The following SMC5 variants were observed in gnomAD, a reference collection of about 807,000 sequenced individuals.
SMC5 encodes structural maintenance of chromosomes 5.
A neutral mutation model predicts 148.3 loss-of-function variants in SMC5; 88 were observed. The observed-to-expected ratio is 0.59, with a 90% confidence interval of 0.50 to 0.71. The LOEUF (loss-of-function observed/expected upper bound fraction) is 0.71. SMC5 is among the 30% of genes least tolerant of loss of function. The probability of loss-of-function intolerance (pLI) is 0.00; values close to 1 mark genes in which losing one functional copy is unlikely to be tolerated. For missense variants in SMC5, 1,142 were observed against 1,298.9 expected (o/e 0.88, Z 1.86); for synonymous variants, 421 against 432.8 (o/e 0.97, Z 0.34).
rs1422218306 is a variant in SMC5 at position 70,353,864 on chromosome 9, GTTAA to G, written c.*1537_*1540del. On this transcript the variant is annotated 3_prime_UTR_variant, in exon 25 of 25. Transcript: ENST00000361138. The stretch of plus-strand genomic sequence containing the variant: ...ATGGATATTACCAAATGTTTTCATC[GTTAA>G]TTACTTTGCGTTCCACCAAAATATC... The G allele has an allele frequency of 6.6e-6, 1 of 152,150 alleles. No individual in the cohort carries two copies. Among genetic ancestry groups the G allele is most frequent in the Non-Finnish European group, 1.5e-5 (1 of 68,026 alleles). The allele number at this position is 152,150 out of a possible 1,614,324, so 9.4% of individuals were successfully genotyped here.
intron 15 of SMC5, among the ~76,000 whole-genome samples, chr9:70,321,069 G>T (rs1455566032): frequency 6.6e-6 from 1 of 152,128 alleles, no homozygotes; most frequent in Non-Finnish European, 1.5e-5. Flanking sequence ...GTATCCCCAG[G>T]AGTCTGTAGA....
At chr9:70,327,098 A>G (rs1258691621) in intron 17 of SMC5, among the ~76,000 whole-genome samples, 1 of 152,226 alleles carries the variant, frequency 6.6e-6, no homozygotes, top group Non-Finnish European at 1.5e-5. Context: ...TCTCAAAAAA[A>G]CAAACATTTC....
At chr9:70,261,704 A>T (rs1346580604) in intron 1 of SMC5, among the ~76,000 whole-genome samples, 2 of 152,216 alleles carry the variant, frequency 1.3e-5, no homozygotes, top group African/African-American at 4.8e-5. Flanking sequence ...AATAGGAATT[A>T]TGAATTGAAG....
chr9:70,275,197 A>G (rs1189876968), intron 3 of SMC5, among the ~76,000 whole-genome samples: 2 of 152,052 alleles, frequency 1.3e-5, no homozygotes, highest in Non-Finnish European at 2.9e-5. Context: ...AGAGTATAGT[A>G]TAATATCATT....
At chr9:70,331,596 C>G (rs2036221251) in intron 17 of SMC5, among the ~76,000 whole-genome samples, 1 of 151,192 alleles carries the variant, frequency 6.6e-6, no homozygotes, top group Non-Finnish European at 1.5e-5. Context: ...TCAAAATATT[C>G]CAGAGAGAGG....
At position 70,324,072 on chromosome 9, in the gene SMC5, A is replaced by T; in HGVS notation, c.2326A>T (p.Thr776Ser). 6.3e-7 allele frequency: 1 copy of T among 1,599,962 alleles called. No homozygotes were observed. ...QKVDLILQNT[T>S]VISEKNKLES... is the part of the protein sequence containing the mutation. ...AGTAGATTTAATTCTCCAAAATACTACAGTGATCTCTGAGAAGAACAAATT... is the reference window on the plus strand; with the variant it reads ...AGTAGATTTAATTCTCCAAAATACTTCAGTGATCTCTGAGAAGAACAAATT... Residue 776 changes from threonine (T) to serine (S), a missense_variant, in exon 17 of 25, where the codon ACA becomes TCA. This residue lies in a region of SMC5 where 743 missense variants were observed against 835.7 expected (regional missense o/e 0.89). Transcript: ENST00000361138.
At chr9:70,295,533 G>A (rs2035179063) in intron 8 of SMC5, among the ~76,000 whole-genome samples, 1 of 151,850 alleles carries the variant, frequency 6.6e-6, no homozygotes, top group Non-Finnish European at 1.5e-5. Flanking sequence ...AGAGCAGTAT[G>A]GAGACAGTAT....
intron 7 of SMC5, among the ~76,000 whole-genome samples, chr9:70,283,767 G>A (rs1183984193): frequency 6.6e-6 from 1 of 152,092 alleles, no homozygotes; most frequent in Non-Finnish European, 1.5e-5. Flanking sequence ...AGATCATTTA[G>A]GAGATAGTGT....
In SMC5 at chr9:70,347,984, T is replaced by G. The variant is rs778654653; in HGVS notation, c.2835T>G (p.Asn945Lys). 4.4e-6 allele frequency: 7 copies of G among 1,605,560 alleles called. No homozygotes were observed. Among genetic ancestry groups the G allele is most frequent in the Non-Finnish European group, 5.9e-6 (7 of 1,176,470 alleles). The change falls in exon 22 of 25, where the codon AAT becomes AAG. Residue 945 changes from asparagine (N) to lysine (K), a missense_variant. Physicochemically the swap from Asn to Lys is moderately conservative, Grantham distance 94 (BLOSUM62 0). Transcript: ENST00000361138. ...AAAAAATTAATGAAAAATTCAGCAA[T>G]TTTTTTAGTTCCATGCAGTGTGCTG... is the stretch of plus-strand genomic sequence containing the variant. Reference protein sequence around the residue: ...LVEKINEKFSNFFSSMQCAGE... With the variant: ...LVEKINEKFSKFFSSMQCAGE...
At chr9:70,337,031 C>T (rs952044701) in intron 17 of SMC5, among the ~76,000 whole-genome samples, 58 of 152,052 alleles carry the variant, frequency 3.8e-4, no homozygotes, top group African/African-American at 1.4e-3. Context: ...CTTATAGAAC[C>T]ATCAGATCTC....
In SMC5 at chr9:70,300,083, G is replaced by T. The variant is rs1258838947; in HGVS notation, c.1347G>T (p.Met449Ile). The change falls in exon 10 of 25, where the codon ATG (methionine) becomes ATT (isoleucine). Residue 449 changes from methionine to isoleucine, a missense_variant. Met to Ile is a conservative substitution (Grantham distance 10). This residue lies in a region of SMC5 where 743 missense variants were observed against 835.7 expected (regional missense o/e 0.89). Coordinates refer to ENST00000361138, the MANE Select transcript of SMC5 (RefSeq NM_015110.4). Reference protein sequence around the residue: ...DDHIVRFDNLMNQKEDKLRQR... With the variant: ...DDHIVRFDNLINQKEDKLRQR... ...ATATTGTACGTTTTGACAATCTTAT[G>T]AATCAGAAGGAAGATAAGCTAAGAC... The T allele has an allele frequency of 1.3e-6, 2 of 1,595,376 alleles. No individual in the cohort carries two copies. Among genetic ancestry groups the T allele is most frequent in the Non-Finnish European group, 8.5e-7 (1 of 1,175,266 alleles).
intron 16 of SMC5, 81 bp downstream of exon 16, chr9:70,323,687 A>ACC: frequency 2.1e-6 from 3 of 1,444,614 alleles, no homozygotes; most frequent in African/African-American, 1.4e-5. Context: ...GAGGGAGGGA[A>ACC]GGTTTTGATT....
Position 70,352,615 on chromosome 9 carries a change from A to G in SMC5, c.*284A>G, listed in dbSNP as rs2036830543. ...AAAATGTACTTAATATTACAAATCA[A>G]AGGTACAGTGGAAGAAGGGTTAATC... is the stretch of plus-strand genomic sequence containing the variant. On this transcript the variant is annotated 3_prime_UTR_variant, in exon 25 of 25. Transcript: ENST00000361138. The G allele has an allele frequency of 3.7e-6, 1 of 273,344 alleles. No individual in the cohort carries two copies. 16.9% of individuals were successfully genotyped at this position (273,344 alleles called of 1,614,324 possible). A position where few individuals can be genotyped will look rare whatever the true frequency, so the allele number is the denominator to read the frequency against.
chr9:70,346,000 A>T (rs990375829), intron 18 of SMC5, among the ~76,000 whole-genome samples: 2 of 152,146 alleles, frequency 1.3e-5, no homozygotes, highest in African/African-American at 2.4e-5. Flanking sequence ...GACATGAAGG[A>T]TGAGAGAGAG....
chr9:70,316,136 A>G (rs1161157941), intron 13 of SMC5, among the ~76,000 whole-genome samples: 1 of 151,996 alleles, frequency 6.6e-6, no homozygotes, highest in Non-Finnish European at 1.5e-5. Flanking sequence ...GCTGTTGGGA[A>G]TTTTATTCTT....
chr9:70,327,437 C>T (rs1390487814), intron 17 of SMC5, among the ~76,000 whole-genome samples: 1 of 152,014 alleles, frequency 6.6e-6, no homozygotes, highest in African/African-American at 2.4e-5. Flanking sequence ...TACTGGGGAA[C>T]TGGCTCTTGA....
intron 13 of SMC5, among the ~76,000 whole-genome samples, chr9:70,316,728 A>G (rs2035812018): frequency 6.6e-6 from 1 of 152,076 alleles, no homozygotes; most frequent in Non-Finnish European, 1.5e-5. Context: ...TTGGGGCAGA[A>G]AGGAGCAATT....
rs1028910982 is a variant in SMC5 at position 70,295,021 on chromosome 9, T to G, written c.1054-2945T>G. ...CAGAGGAACCAAAGTGGGGCTCAAT[T>G]AAAGGAGGAAGGAGTACAGTGGGGA... On this transcript the variant is annotated intron_variant, in intron 8 of 24. Transcript: ENST00000361138. 2.6e-5 allele frequency among the ~76,000 whole-genome samples: 4 copies of G among 151,956 alleles called. No individual in the cohort carries two copies. The East Asian group carries it at 7.7e-4, about 29-fold the overall frequency.
intron 3 of SMC5, among the ~76,000 whole-genome samples, chr9:70,269,283 G>A (rs936456986): frequency 3.3e-5 from 5 of 152,104 alleles, no homozygotes; most frequent in Non-Finnish European, 5.9e-5. Flanking sequence ...TAAAGTTAAT[G>A]TCATTATTAA....
Sources: allele counts gnomAD v4.1 joint callset (sites outside exome capture counted in the v4.1 genomes callset), GRCh38; gene constraint gnomAD v4.1.1; regional missense constraint gnomAD v4.1.1; transcripts MANE v1.5; gene names NCBI Gene and HGNC (gene_info 2026-07-23, HGNC 2026-07-21).